SLC30A6: variants seen among roughly 807,000 people sequenced by gnomAD.
SLC30A6 encodes solute carrier family 30 member 6.
In SLC30A6, 55 loss-of-function variants were observed where a neutral mutation model predicts 63.0. The observed-to-expected ratio is 0.87, with a 90% CI of 0.70 to 1.09. SLC30A6 has a LOEUF of 1.09. Ranked by LOEUF, SLC30A6 falls within the 50% of genes least tolerant of loss-of-function variation. The probability of loss-of-function intolerance (pLI) is 0.00; values close to 1 mark genes in which losing one functional copy is unlikely to be tolerated. For missense variants in SLC30A6, 587 were observed against 549.2 expected (o/e 1.07, Z -0.69); for synonymous variants, 224 against 186.1 (o/e 1.20, Z -1.66).
chr2:32,207,131 T>A (rs72796885), intron 12 of SLC30A6, among the ~76,000 whole-genome samples, 198 bp downstream of exon 12: 6,039 of 152,188 alleles, frequency 0.04, 156 homozygotes, highest in Non-Finnish European at 0.055. Flanking sequence ...GAAATCAAAT[T>A]CACTTGAAGT....
intron 8 of SLC30A6, among the ~76,000 whole-genome samples, chr2:32,195,397 C>T (rs1683698069): frequency 6.6e-6 from 1 of 151,984 alleles, no homozygotes; most frequent in African/African-American, 2.4e-5. Context: ...ATTATGTCTT[C>T]AGTATTGCTT....
At chr2:32,186,070 T>G (rs1682785051) in intron 5 of SLC30A6, among the ~76,000 whole-genome samples, 1 of 152,114 alleles carries the variant, frequency 6.6e-6, no homozygotes, top group Non-Finnish European at 1.5e-5. Flanking sequence ...AGTTTTGCTG[T>G]GTCACCCAGG....
At chr2:32,172,449 A>G (rs551376239) in intron 2 of SLC30A6, among the ~76,000 whole-genome samples, 2 of 152,030 alleles carry the variant, frequency 1.3e-5, no homozygotes, top group South Asian at 4.2e-4. Flanking sequence ...CCTGGGCTCA[A>G]GGGATCCTCC....
At chr2:32,211,327 G>A (rs1476090499) in intron 13 of SLC30A6, among the ~76,000 whole-genome samples, 2 of 152,210 alleles carry the variant, frequency 1.3e-5, no homozygotes, top group Non-Finnish European at 2.9e-5. Flanking sequence ...GTTGAAAGCA[G>A]CTTGTGGACA....
At chr2:32,192,771 A>C (rs1214125410) in intron 6 of SLC30A6, 147 bp from the exon 7 acceptor site, 14 of 509,570 alleles carry the variant, frequency 2.7e-5, no homozygotes, top group Non-Finnish European at 6.9e-6. Flanking sequence ...ATAATTTATG[A>C]GTCTCCTTGC....
chr2:32,189,380 C>G (rs566583790), intron 5 of SLC30A6, among the ~76,000 whole-genome samples: 7 of 150,908 alleles, frequency 4.6e-5, no homozygotes, highest in African/African-American at 7.3e-5. Flanking sequence ...CAACCTCCAC[C>G]TCCCGGATTT....
rs555035102 is a variant in SLC30A6, at chr2:32,195,946, A to T, written c.497-1398A>T. Among the ~76,000 whole-genome samples the T allele has an allele frequency of 1.8e-3, 281 of 152,166 alleles. 1 individual carries two copies. Among genetic ancestry groups the T allele is most frequent in the Non-Finnish European group, 3.4e-3 (230 of 68,002 alleles). ...GTGCCTCTAGTCCCAGCTACTCAGGAGGCTGAGGTGGTTGTATTGCTTGAG... is the reference window on the plus strand; with the variant it reads ...GTGCCTCTAGTCCCAGCTACTCAGGTGGCTGAGGTGGTTGTATTGCTTGAG... On this transcript the variant is annotated intron_variant, in intron 8 of 13. Coordinates refer to ENST00000282587, the MANE Select transcript of SLC30A6 (RefSeq NM_017964.5).
chr2:32,168,159 T>C (rs1384785664), intron 1 of SLC30A6, among the ~76,000 whole-genome samples: 1 of 151,512 alleles, frequency 6.6e-6, no homozygotes, highest in Non-Finnish European at 1.5e-5. Flanking sequence ...GAAAAGGTTT[T>C]GCGTTTATTA....
intron 11 of SLC30A6, among the ~76,000 whole-genome samples, chr2:32,206,117 T>C (rs1375957830): frequency 6.6e-6 from 1 of 152,102 alleles, no homozygotes; most frequent in African/African-American, 2.4e-5. Context: ...CATTGCTACT[T>C]ACTGAAATGA....
chr2:32,171,202 A>G (rs1681169271), intron 1 of SLC30A6, 85 bp from the exon 2 acceptor site: 2 of 1,078,798 alleles, frequency 1.9e-6, no homozygotes, highest in Non-Finnish European at 2.8e-6. Flanking sequence ...GGTTATTTAT[A>G]TCATAGGAAC....
intron 13 of SLC30A6, among the ~76,000 whole-genome samples, chr2:32,218,875 C>A (rs1685929022): frequency 6.6e-6 from 1 of 152,038 alleles, no homozygotes; most frequent in African/African-American, 2.4e-5. Context: ...CATTTATAAT[C>A]TAGATTGTTG....
chr2:32,181,494 A>G (rs765205537), intron 4 of SLC30A6, among the ~76,000 whole-genome samples: 7 of 152,190 alleles, frequency 4.6e-5, no homozygotes, highest in Admixed American at 2.6e-4. Flanking sequence ...ATATTTAGAC[A>G]CTGAATTTTT....
intron 13 of SLC30A6, among the ~76,000 whole-genome samples, chr2:32,217,933 T>C (rs1685846743): frequency 6.6e-6 from 1 of 151,860 alleles, no homozygotes; most frequent in South Asian, 2.1e-4. Context: ...CCTCTAAGGT[T>C]CAATCAATTC....
chr2:32,220,316 A>G lies in SLC30A6; in HGVS notation c.989A>G (p.Gln330Arg). The change falls in exon 14 of 14, where the codon CAA becomes CGA. Residue 330 changes from glutamine (Q) to arginine (R), a missense_variant. By Grantham distance (43) the Gln-to-Arg change is conservative. Coordinates refer to ENST00000282587, the MANE Select transcript of SLC30A6 (RefSeq NM_017964.5). ...ACTCTAGTGTCTACTCTAACTGTTC[A>G]AATTTTCAAGGATGACTGGATTAGG... is the stretch of plus-strand genomic sequence containing the variant. The part of the protein sequence containing the change: ...LYTLVSTLTV[Q>R]IFKDDWIRPA... The G allele has an allele frequency of 6.2e-7, 1 of 1,614,216 alleles. No individual in the cohort carries two copies. The highest frequency in any genetic ancestry group is 8.5e-7 in the Non-Finnish European group (1 of 1,180,042).
chr2:32,175,233 C>A, intron 3 of SLC30A6, 86 bp from the exon 4 acceptor site: 1 of 1,285,080 alleles, frequency 7.8e-7, no homozygotes. Context: ...ATAATGGATA[C>A]CCCTGGTAGA....
At chr2:32,202,068 A>C in intron 10 of SLC30A6, 1 of 858,436 alleles carries the variant, frequency 1.2e-6, no homozygotes, top group East Asian at 2.7e-5. Flanking sequence ...CTACTCATGA[A>C]TCAAGTGATA....
intron 13 of SLC30A6, among the ~76,000 whole-genome samples, chr2:32,217,940 A>G (rs930080044): frequency 2.6e-5 from 4 of 151,840 alleles, no homozygotes; most frequent in African/African-American, 9.7e-5. Context: ...GGTTCAATCA[A>G]TTCTCCCACC....
At chr2:32,205,732 C>T (rs55877106) in intron 11 of SLC30A6, among the ~76,000 whole-genome samples, 66,541 of 142,126 alleles carry the variant, frequency 0.47, 15,463 homozygotes, top group Admixed American at 0.5. Context: ...AGTGGCGCTA[C>T]ACTCAGGTCA....
intron 11 of SLC30A6, 40 bp downstream of exon 11, chr2:32,204,732 A>G (rs751001853): frequency 4.8e-6 from 6 of 1,257,640 alleles, no homozygotes; most frequent in South Asian, 4.1e-5. Flanking sequence ...AATATTAGCC[A>G]TGTTCTTCTA....
Sources: gnomAD v4.1 joint callset for allele counts (sites outside exome capture counted in the v4.1 genomes callset) on GRCh38, gnomAD v4.1.1 for gene constraint, MANE v1.5 for transcripts, NCBI Gene and HGNC (gene_info 2026-07-23, HGNC 2026-07-21) for gene names.